SPOCK3: variants seen among roughly 807,000 people sequenced by gnomAD.
The protein encoded by SPOCK3 is SPARC (osteonectin), cwcv and kazal like domains proteoglycan 3.
In SPOCK3, 30 loss-of-function variants were observed where a neutral mutation model predicts 56.6. That is an observed-to-expected ratio of 0.53 (90% confidence interval 0.40 to 0.72). The LOEUF is 0.72. SPOCK3 is among the 30% of genes least tolerant of loss of function. SPOCK3 has a pLI of 0.00. For synonymous variants in SPOCK3, 196 were observed against 183.3 expected, an observed-to-expected ratio of 1.07 and a Z score of -0.56; for missense variants, 527 against 530.0, an observed-to-expected ratio of 0.99 and a Z score of 0.06.
At chr4:167,030,564 G>T (rs926815946) in intron 3 of SPOCK3, among the ~76,000 whole-genome samples, 3 of 151,554 alleles carry the variant, frequency 2.0e-5, no homozygotes, top group Admixed American at 1.3e-4. Flanking sequence ...GTGTTTTGGA[G>T]GGTATGATAT....
intron 4 of SPOCK3, among the ~76,000 whole-genome samples, chr4:166,935,617 G>A (rs929322292): frequency 6.6e-6 from 1 of 152,230 alleles, no homozygotes; most frequent in Admixed American, 6.5e-5. Flanking sequence ...AACCATTTTG[G>A]TTTTTACCCT....
At chr4:166,890,157 G>T (rs1203434741) in intron 5 of SPOCK3, among the ~76,000 whole-genome samples, 1 of 151,880 alleles carries the variant, frequency 6.6e-6, no homozygotes, top group Non-Finnish European at 1.5e-5. Context: ...TCTCTTCGGT[G>T]CTTGTATGAC....
At chr4:166,735,322 C>A (rs532080198) in intron 10 of SPOCK3, among the ~76,000 whole-genome samples, 2 of 151,916 alleles carry the variant, frequency 1.3e-5, no homozygotes, top group African/African-American at 2.4e-5. Flanking sequence ...GTATGTTATG[C>A]AAGATTTCCA....
At chr4:166,951,653 C>G (rs2150037300) in intron 4 of SPOCK3, among the ~76,000 whole-genome samples, 1 of 137,102 alleles carries the variant, frequency 7.3e-6, no homozygotes. Context: ...AGACCAATAT[C>G]CTTGATGAAC....
intron 2 of SPOCK3, among the ~76,000 whole-genome samples, chr4:167,135,680 C>CGTGTGTGTGTGTGTGT (rs57918767): frequency 2.0e-5 from 3 of 147,652 alleles, no homozygotes; most frequent in Admixed American, 6.8e-5. Context: ...CTATATAAAA[C>CGTGTGTGTGTGTGTGT]GTGTGTGTGT....
intron 2 of SPOCK3, among the ~76,000 whole-genome samples, chr4:167,223,931 T>G (rs1485067329): frequency 6.6e-6 from 1 of 152,130 alleles, no homozygotes. Flanking sequence ...ACTTACCTCA[T>G]TTGATATTTT....
chr4:167,200,027 T>G (rs1406154700), intron 2 of SPOCK3, among the ~76,000 whole-genome samples: 1 of 152,214 alleles, frequency 6.6e-6, no homozygotes, highest in East Asian at 1.9e-4. Context: ...GCATAATTAC[T>G]ATATAGACAA....
At chr4:166,803,605 C>T (rs1271769305) in intron 6 of SPOCK3, among the ~76,000 whole-genome samples, 2 of 152,096 alleles carry the variant, frequency 1.3e-5, no homozygotes, top group African/African-American at 2.4e-5. Context: ...AATGTATGTC[C>T]TGAGGATAGT....
chr4:167,010,160 A>T (rs2150143108), intron 3 of SPOCK3, among the ~76,000 whole-genome samples: 1 of 152,286 alleles, frequency 6.6e-6, no homozygotes, highest in East Asian at 1.9e-4. Context: ...TGAATTTACG[A>T]GTTAATGGCA....
At chr4:166,789,043 G>C (rs1364738608) in intron 7 of SPOCK3, among the ~76,000 whole-genome samples, 3 of 147,758 alleles carry the variant, frequency 2.0e-5, no homozygotes, top group Non-Finnish European at 4.5e-5. Flanking sequence ...ATTTTTATTT[G>C]GCTTCAGTAT....
intron 5 of SPOCK3, among the ~76,000 whole-genome samples, chr4:166,906,482 T>TAAAA (rs34213978): frequency 2.8e-5 from 3 of 107,462 alleles, no homozygotes; most frequent in Non-Finnish European, 1.8e-5. Flanking sequence ...GTTGGCTACA[T>TAAAA]AAAAAAAAAA....
rs200120313 is a variant in SPOCK3, at chr4:167,082,740, C to CAGGA, written c.190-20207_190-20204dup. Reference sequence around the variant, plus strand: ...ACTGCCATGTTGGAGGTTTTTCTTCCAGGAAGGAAGGAAGGAAGGGAGGGA... The same window carrying CAGGA: ...ACTGCCATGTTGGAGGTTTTTCTTCCAGGAAGGAAGGAAGGAAGGAAGGGAGGGA... On this transcript the variant is annotated intron_variant, in intron 2 of 10. Coordinates refer to ENST00000357545, the MANE Select transcript of SPOCK3 (RefSeq NM_001040159.2). Among the ~76,000 whole-genome samples, 453 of 110,934 alleles carry CAGGA rather than the reference C, an allele frequency of 4.1e-3. 4 individuals carry two copies. The highest frequency in any genetic ancestry group is 4.8e-3 in the South Asian group (15 of 3,102). 72.8% of individuals were successfully genotyped at this position (110,934 alleles called of 152,430 possible). A position where few individuals can be genotyped will look rare whatever the true frequency, so the allele number is the denominator to read the frequency against.
intron 2 of SPOCK3, among the ~76,000 whole-genome samples, chr4:167,159,666 G>A (rs1381607453): frequency 1.3e-5 from 2 of 152,096 alleles, no homozygotes; most frequent in Non-Finnish European, 2.9e-5. Flanking sequence ...ACTGAATCCA[G>A]CAGCACATCA....
At chr4:167,120,014 T>A (rs895031680) in intron 2 of SPOCK3, 14 of 561,396 alleles carry the variant, frequency 2.5e-5, no homozygotes, top group Admixed American at 1.3e-4. Context: ...AAGCAGTGTA[T>A]CTCTTAAATT....
chr4:166,792,918 A>T (rs1248662235), intron 6 of SPOCK3, among the ~76,000 whole-genome samples: 1 of 152,206 alleles, frequency 6.6e-6, no homozygotes, highest in Non-Finnish European at 1.5e-5. Flanking sequence ...TTGGAACTAA[A>T]GTAACTTCCT....
chr4:166,913,764 A>G (rs1469348129), intron 4 of SPOCK3, among the ~76,000 whole-genome samples: 1 of 152,008 alleles, frequency 6.6e-6, no homozygotes, highest in Non-Finnish European at 1.5e-5. Context: ...GGCATTACAC[A>G]TAGATTATTT....
intron 3 of SPOCK3, among the ~76,000 whole-genome samples, chr4:167,037,173 T>C (rs1314851138): frequency 6.6e-6 from 1 of 152,168 alleles, no homozygotes. Flanking sequence ...GTGCTTTATA[T>C]ACACTATGCA....
At chr4:166,866,344 G>A (rs1731840980) in intron 6 of SPOCK3, among the ~76,000 whole-genome samples, 1 of 152,090 alleles carries the variant, frequency 6.6e-6, no homozygotes, top group East Asian at 1.9e-4. Flanking sequence ...GAAAACCTAG[G>A]CAATACCATT....
At chr4:166,847,655 A>ATATG (rs1748218842) in intron 6 of SPOCK3, among the ~76,000 whole-genome samples, 1 of 88,020 alleles carries the variant, frequency 1.1e-5, no homozygotes, top group African/African-American at 6.3e-5. Flanking sequence ...GTTTATATAT[A>ATATG]TATATATATA....
Sources: gnomAD v4.1 joint callset for allele counts (sites outside exome capture counted in the v4.1 genomes callset) on GRCh38, gnomAD v4.1.1 for gene constraint, MANE v1.5 for transcripts, NCBI Gene and HGNC (gene_info 2026-07-23, HGNC 2026-07-21) for gene names.